Variants in ZNF846 observed in about 807,000 individuals in gnomAD.
The protein encoded by ZNF846 is zinc finger protein 846, also known as zinc finger protein 420 pseudogene.
Under a neutral mutation model 16.0 loss-of-function variants are expected in ZNF846, and 15 were observed. The ratio of observed to expected loss-of-function variants is 0.94; its 90% CI spans 0.63 to 1.45. The LOEUF (loss-of-function observed/expected upper bound fraction) is 1.45, where lower values mean the gene tolerates loss of function less well. Ranked by LOEUF, ZNF846 falls within the 40% of genes most tolerant of loss-of-function variation. ZNF846 has a pLI of 0.00. For missense variants in ZNF846, 714 were observed against 622.3 expected (o/e 1.15, Z -1.57); for synonymous variants, 229 against 212.0 (o/e 1.08, Z -0.70).
chr19:9,776,246 T>C (rs1272299170), intron 1 of ZNF846, among the ~76,000 whole-genome samples: 2 of 152,222 alleles, frequency 1.3e-5, no homozygotes, highest in African/African-American at 4.8e-5. Context: ...CCACCTCTTG[T>C]GGAGGGCCTG....
upstream of ZNF846, among the ~76,000 whole-genome samples, chr19:9,768,990 T>A (rs753789841): frequency 6.6e-5 from 10 of 152,064 alleles, no homozygotes; most frequent in Non-Finnish European, 1.2e-4. Context: ...AGGCGGGGAC[T>A]GGCGCAGCGG....
upstream of ZNF846, among the ~76,000 whole-genome samples, chr19:9,772,384 G>A (rs900240057): frequency 6.6e-6 from 1 of 151,922 alleles, no homozygotes; most frequent in Non-Finnish European, 1.5e-5. Context: ...TGGGTCACCT[G>A]AGGTCAGGAG....
chr19:9,763,319 A>G, exon 3 of ZNF846: 2 of 1,606,854 alleles, frequency 1.2e-6, no homozygotes, highest in South Asian at 1.1e-5. Flanking sequence ...CCAACATCAC[A>G]TCTCTGTAGA....
exon 5 of ZNF846, chr19:9,759,863 T>C (rs901014188): frequency 6.2e-7 from 1 of 1,609,988 alleles, no homozygotes; most frequent in Non-Finnish European, 8.5e-7. Flanking sequence ...ATCTTACCAA[T>C]TGTACTCCAT....
In ZNF846 at chr19:9,774,584, G is replaced by C. The variant is rs2045418802; in HGVS notation, c.-85-9549C>G. The C allele has an allele frequency of 3.3e-6, 5 of 1,510,854 alleles. No homozygotes were observed. In the South Asian group the frequency reaches 3.4e-5, roughly 10 times the overall value. 93.6% of individuals were successfully genotyped at this position (1,510,854 alleles called of 1,614,324 possible). A position where few individuals can be genotyped will look rare whatever the true frequency, so the allele number is the denominator to read the frequency against. On this transcript the variant is annotated intron_variant, in intron 1 of 4. Transcript: ENST00000586814. ...TTCCCGTAACATCCAGGTTGATGAA[G>C]CTAATTTATTGACTTAGCAAGGGCT...
At position 9,765,852 on chromosome 19, in the gene ZNF846, G is replaced by A. The variant is rs185342814; in HGVS notation, c.-85-817C>T. Among the ~76,000 whole-genome samples the A allele has an allele frequency of 4.5e-3, 687 of 151,798 alleles. 3 individuals are homozygous for A. Among genetic ancestry groups the A allele is most frequent in the Non-Finnish European group, 7.4e-3 (505 of 67,960 alleles). ...GGGAGGTTGAAGTAGAAGGATGCTTGAGGCCAGGAGTTAGAGACCATCCTG... is the reference window on the plus strand; with the variant it reads ...GGGAGGTTGAAGTAGAAGGATGCTTAAGGCCAGGAGTTAGAGACCATCCTG... On this transcript the variant is annotated intron_variant, in intron 1 of 5. Transcript: ENST00000397902.
At chr19:9,761,756 G>A (rs762250186) in intron 4 of ZNF846, among the ~76,000 whole-genome samples, 16 of 151,682 alleles carry the variant, frequency 1.1e-4, no homozygotes, top group Non-Finnish European at 1.6e-4. Context: ...CTAATAATAT[G>A]CAGAAAACTG....
downstream of ZNF846, among the ~76,000 whole-genome samples, chr19:9,753,039 ATCT>A (rs1755328266): frequency 6.6e-6 from 1 of 151,530 alleles, no homozygotes; most frequent in Admixed American, 6.6e-5. Context: ...ACAGAGAGCC[ATCT>A]TCTTGAAGTA....
chr19:9,786,050 A>G (rs2045557166), exon 1 of ZNF846: 1 of 151,912 alleles, frequency 6.6e-6, no homozygotes, highest in Admixed American at 6.6e-5. Context: ...TTCAGAAGGA[A>G]CTGAGGGCTC....
chr19:9,749,943 C>T (rs1194524430), downstream of ZNF846, among the ~76,000 whole-genome samples: 1 of 152,034 alleles, frequency 6.6e-6, no homozygotes, highest in Non-Finnish European at 1.5e-5. Context: ...ATGTCAATTC[C>T]ACTCCCCCCC....
chr19:9,779,882 T>A (rs2045483753), intron 1 of ZNF846, among the ~76,000 whole-genome samples: 1 of 135,600 alleles, frequency 7.4e-6, no homozygotes, highest in Non-Finnish European at 1.5e-5. Context: ...CATCACGACT[T>A]TTTTTTTTTT....
At chr19:9,748,911 C>T (rs1189520437), downstream of ZNF846, among the ~76,000 whole-genome samples, 15 of 152,164 alleles carry the variant, frequency 9.9e-5, no homozygotes, top group Non-Finnish European at 2.2e-4. Flanking sequence ...TGCTAATCTT[C>T]TCTTGCCTAC....
chr19:9,765,709 A>G (rs2045304612), intron 1 of ZNF846, among the ~76,000 whole-genome samples: 1 of 152,078 alleles, frequency 6.6e-6, no homozygotes, highest in Admixed American at 6.6e-5. Context: ...AAGCATTTCC[A>G]TACCCTGCAT....
chr19:9,755,318 C>A (rs906615574), downstream of ZNF846, among the ~76,000 whole-genome samples: 2 of 151,524 alleles, frequency 1.3e-5, 1 homozygote, highest in African/African-American at 4.9e-5. Context: ...CTGTCCATGA[C>A]AAGTCGTCAT....
At chr19:9,764,336 C>T (rs896337472) in intron 2 of ZNF846, among the ~76,000 whole-genome samples, 3 of 152,172 alleles carry the variant, frequency 2.0e-5, no homozygotes, top group African/African-American at 7.2e-5. Flanking sequence ...TAATATCTTG[C>T]TAATCATAGG....
At chr19:9,758,237 T>C in exon 6 of ZNF846, 2 of 1,613,080 alleles carry the variant, frequency 1.2e-6, no homozygotes, top group Non-Finnish European at 8.5e-7. Context: ...ATTTATATGG[T>C]TTTTCTCCAC....
At chr19:9,762,741 A>G (rs144595469) in intron 3 of ZNF846, among the ~76,000 whole-genome samples, 5 of 152,362 alleles carry the variant, frequency 3.3e-5, no homozygotes, top group Non-Finnish European at 7.3e-5. Context: ...GACCACATAT[A>G]AAATACACTA....
downstream of ZNF846, among the ~76,000 whole-genome samples, chr19:9,754,731 T>C (rs1784751074): frequency 6.6e-6 from 1 of 151,534 alleles, no homozygotes; most frequent in African/African-American, 2.4e-5. Context: ...TCTTTTTCTG[T>C]ATGTCTTACA....
chr19:9,781,313 A>G (rs1194356948), intron 1 of ZNF846, among the ~76,000 whole-genome samples: 2 of 151,766 alleles, frequency 1.3e-5, no homozygotes, highest in African/African-American at 4.8e-5. Context: ...TTTAGGAGAG[A>G]TGGGGTTTCA....
Sources: allele counts gnomAD v4.1 joint callset (sites outside exome capture counted in the v4.1 genomes callset), GRCh38; gene constraint gnomAD v4.1.1; transcripts MANE v1.5; gene names NCBI Gene and HGNC (gene_info 2026-07-23, HGNC 2026-07-21).